Variants in GPRC5B observed in about 807,000 individuals in gnomAD.
The protein encoded by GPRC5B is G protein-coupled receptor class C group 5 member B.
Under a neutral mutation model 30.1 loss-of-function variants are expected in GPRC5B, and 16 were observed. The observed-to-expected ratio is 0.53, with a 90% CI of 0.36 to 0.81. The LOEUF (loss-of-function observed/expected upper bound fraction) is 0.81, where lower values mean the gene tolerates loss of function less well. GPRC5B is among the 30% of genes least tolerant of loss of function. The pLI is 0.01. For synonymous variants in GPRC5B, 241 were observed against 239.5 expected, an observed-to-expected ratio of 1.01 and a Z score of -0.06; for missense variants, 428 against 544.7, an observed-to-expected ratio of 0.79 and a Z score of 2.13.
chr16:19,885,482 C>A, upstream of GPRC5B: 2 of 1,140,414 alleles, frequency 1.8e-6, no homozygotes, highest in South Asian at 1.7e-5. The surrounding 1 kb of genome is among the most constrained non-coding windows in gnomAD (Gnocchi z 5.3). Flanking sequence ...TGTCCGTTTA[C>A]GCACACTGGG....
Position 19,872,396 on chromosome 16 carries a change from C to T in GPRC5B, c.450G>A (p.Leu150=), listed in dbSNP as rs192332005. The T allele has an allele frequency of 1.5e-5, 25 of 1,613,566 alleles. No homozygotes were observed. Among genetic ancestry groups the T allele is most frequent in the East Asian group, 2.2e-5 (1 of 44,874 alleles). Residue 150 remains leucine, a synonymous_variant, in exon 2 of 4, where the codon CTG becomes CTA. Coordinates refer to ENST00000300571, the MANE Select transcript of GPRC5B (RefSeq NM_016235.3). The surrounding 1 kb of genome is among the most constrained non-coding windows in gnomAD (Gnocchi z 5.0). ...LLSQAWRVRR[L]VRHGTGPAGW... is the part of the protein sequence containing the mutation. The stretch of plus-strand genomic sequence containing the variant: ...CCGCGGGGCCCGTGCCATGCCGCAC[C>T]AGCCTCCGCACGCGCCATGCCTGGC...
Position 19,857,616 on chromosome 16 carries a change from T to C in GPRC5B, c.*2884A>G, listed in dbSNP as rs1243413042. ...GTAAGCTGGTATCATCATTGCATCA[T>C]TGGATTATAAAAGCCACAATGCTCC... On this transcript the variant is annotated 3_prime_UTR_variant, in exon 4 of 4. Transcript: ENST00000300571. The C allele has an allele frequency of 3.3e-6, 1 of 305,624 alleles. No homozygotes were observed. The highest frequency in any genetic ancestry group is 6.2e-6 in the Non-Finnish European group (1 of 162,234). The allele number at this position is 305,624 out of a possible 1,614,324, so 18.9% of individuals were successfully genotyped here. A position where few individuals can be genotyped will look rare whatever the true frequency, so the allele number is the denominator to read the frequency against.
At chr16:19,861,723 G>A (rs970655378) in intron 3 of GPRC5B, 114 bp downstream of exon 3, 1 of 807,408 alleles carries the variant, frequency 1.2e-6, no homozygotes, top group Non-Finnish European at 2.1e-6. Context: ...AGCTGTGGCG[G>A]TCCTTGCAGG....
At chr16:19,883,877 C>G (rs950043742) in intron 1 of GPRC5B, among the ~76,000 whole-genome samples, 2 of 152,246 alleles carry the variant, frequency 1.3e-5, no homozygotes, top group African/African-American at 4.8e-5. Flanking sequence ...AACCGGCTGC[C>G]CGGGGCCAAG....
chr16:19,863,753 G>A lies in GPRC5B; in HGVS notation c.1031-1780C>T, dbSNP rs145620436. 3.9e-3 allele frequency among the ~76,000 whole-genome samples: 595 copies of A among 152,004 alleles called. 6 individuals are homozygous for A. Among genetic ancestry groups the A allele is most frequent in the Middle Eastern group, 0.02 (6 of 294 alleles). On this transcript the variant is annotated intron_variant, in intron 2 of 3. Coordinates refer to ENST00000300571, the MANE Select transcript of GPRC5B (RefSeq NM_016235.3). ...CCTGACCAAGTGATCCACCCACCTC[G>A]GCCTCCCAAAGTGCTGGGATTACAG...
intron 1 of GPRC5B, among the ~76,000 whole-genome samples, chr16:19,883,995 G>A (rs1330602996): frequency 6.6e-6 from 1 of 152,074 alleles, no homozygotes; most frequent in Non-Finnish European, 1.5e-5. Flanking sequence ...CAAGGAGAGG[G>A]GACCGAGAAC....
chr16:19,879,765 G>A (rs1046766479), intron 1 of GPRC5B, among the ~76,000 whole-genome samples: 6 of 152,192 alleles, frequency 3.9e-5, no homozygotes, highest in African/African-American at 1.4e-4. Context: ...CCATGGGGTT[G>A]CGGTGACGGT....
intron 2 of GPRC5B, among the ~76,000 whole-genome samples, chr16:19,864,422 A>G (rs1471673403): frequency 1.3e-5 from 2 of 152,364 alleles, no homozygotes; most frequent in East Asian, 3.9e-4. Context: ...CTCTCAGTGT[A>G]TTTTAATCTT....
upstream of GPRC5B, chr16:19,885,445 C>T (rs1220416491): frequency 2.6e-5 from 29 of 1,136,494 alleles, no homozygotes; most frequent in Admixed American, 4.2e-5. The surrounding 1 kb of genome is among the most constrained non-coding windows in gnomAD (Gnocchi z 5.3). Context: ...TCTTCTCTCT[C>T]CTCACTGCCC....
At chr16:19,864,730 G>A (rs2056653071) in intron 2 of GPRC5B, among the ~76,000 whole-genome samples, 1 of 152,216 alleles carries the variant, frequency 6.6e-6, no homozygotes, top group Admixed American at 6.5e-5. Flanking sequence ...TCTGCCTCAT[G>A]GGGCCTGGTT....
At chr16:19,869,880 T>C (rs1268046477) in intron 2 of GPRC5B, among the ~76,000 whole-genome samples, 1 of 152,136 alleles carries the variant, frequency 6.6e-6, no homozygotes, top group African/African-American at 2.4e-5. Flanking sequence ...GAGACCACCC[T>C]AGGCAACAGA....
At chr16:19,861,614 G>A (rs564364457) in intron 3 of GPRC5B, among the ~76,000 whole-genome samples, 1 of 152,306 alleles carries the variant, frequency 6.6e-6, no homozygotes, top group East Asian at 1.9e-4. Flanking sequence ...TCTTTCAAAC[G>A]AATCTACAGA....
In GPRC5B at chr16:19,874,528, C is replaced by T. The variant is rs538900758; in HGVS notation, c.-1-1682G>A. Among the ~76,000 whole-genome samples, 335 of 152,310 alleles carry T rather than the reference C, an allele frequency of 2.2e-3. 1 individual carries two copies. Among genetic ancestry groups the T allele is most frequent in the Non-Finnish European group, 2.6e-3 (174 of 68,028 alleles). On this transcript the variant is annotated intron_variant, in intron 1 of 3. Coordinates refer to ENST00000300571, the MANE Select transcript of GPRC5B (RefSeq NM_016235.3). ...CAGGGACATGGTCTCTCTTGTTCAC[C>T]GGCAGACAAGGCTCCTTCAGTCTTG...
chr16:19,881,271 A>T (rs916651476), intron 1 of GPRC5B, among the ~76,000 whole-genome samples: 1 of 152,178 alleles, frequency 6.6e-6, no homozygotes, highest in African/African-American at 2.4e-5. Context: ...CTGGTGTGAG[A>T]AGTACGTGAA....
rs757283954 is a variant in GPRC5B, at chr16:19,872,878, G to T, written c.-1-32C>A. ...AAGCCAAGAGGGGAATGGTTGGGGG[G>T]AAGGAAAGATGAATTCATTGGAAGA... On this transcript the variant is annotated intron_variant, in intron 1 of 3. Transcript: ENST00000300571. The surrounding 1 kb of genome is among the most constrained non-coding windows in gnomAD (Gnocchi z 5.0). 1.1e-5 allele frequency: 17 copies of T among 1,523,794 alleles called. No homozygotes were observed. The highest frequency in any genetic ancestry group is 1.4e-5 in the Non-Finnish European group (16 of 1,106,806). 94.4% of individuals were successfully genotyped at this position (1,523,794 alleles called of 1,614,324 possible). A position where few individuals can be genotyped will look rare whatever the true frequency, so the allele number is the denominator to read the frequency against.
chr16:19,870,703 A>G (rs57588156), intron 2 of GPRC5B, among the ~76,000 whole-genome samples: 356 of 152,354 alleles, frequency 2.3e-3, no homozygotes, highest in African/African-American at 8.3e-3. Flanking sequence ...TGGGGGAGCC[A>G]GGGAATTAAT....
intron 2 of GPRC5B, 82 bp downstream of exon 2, chr16:19,871,734 C>T: frequency 7.8e-7 from 1 of 1,281,330 alleles, no homozygotes; most frequent in Non-Finnish European, 1.1e-6. Flanking sequence ...TGGGACCGCC[C>T]ATCCCCACTG....
At chr16:19,880,919 C>G (rs561956318) in intron 1 of GPRC5B, 1 of 137,456 alleles carries the variant, frequency 7.3e-6, no homozygotes, top group African/African-American at 2.6e-5. Flanking sequence ...CCCCTCGACC[C>G]CAGCCATGTC....
chr16:19,876,398 C>A (rs2056759240), intron 1 of GPRC5B, among the ~76,000 whole-genome samples: 1 of 152,206 alleles, frequency 6.6e-6, no homozygotes, highest in Non-Finnish European at 1.5e-5. Context: ...GTGGAGCAAG[C>A]CTGGTTTAGG....
Sources: allele counts gnomAD v4.1 joint callset (sites outside exome capture counted in the v4.1 genomes callset), GRCh38; gene constraint gnomAD v4.1.1; non-coding constraint Gnocchi (gnomAD v3.1); transcripts MANE v1.5; gene names NCBI Gene and HGNC (gene_info 2026-07-23, HGNC 2026-07-21).